Variants in PLEKHA6 observed in about 807,000 individuals in gnomAD.
PLEKHA6 encodes pleckstrin homology domain-containing family A member 6.
Under a neutral mutation model 116.7 loss-of-function variants are expected in PLEKHA6, and 60 were observed. The ratio of observed to expected loss-of-function variants is 0.51; its 90% CI spans 0.42 to 0.64. The LOEUF (loss-of-function observed/expected upper bound fraction) is 0.64, where lower values mean the gene tolerates loss of function less well. PLEKHA6 is among the 30% of genes least tolerant of loss of function. The pLI is 0.00. For missense variants in PLEKHA6, 1,338 were observed against 1,422.7 expected, an observed-to-expected ratio of 0.94 and a Z score of 0.96; for synonymous variants, 489 against 556.1, an observed-to-expected ratio of 0.88 and a Z score of 1.70.
At position 204,247,477 on chromosome 1, in the gene PLEKHA6, C is replaced by T. The variant is rs575408015; in HGVS notation, c.1825-17G>A. 15 of 1,543,318 alleles carry T rather than the reference C, an allele frequency of 9.7e-6. No homozygotes were observed. The highest frequency in any genetic ancestry group is 1.7e-4 in the Middle Eastern group (1 of 5,904). ...TGTCAGGGCCTACGGGGGAAAGAGGCGTTCACTGAGAAAGCCGCCATCACC... is the reference window on the plus strand; with the variant it reads ...TGTCAGGGCCTACGGGGGAAAGAGGTGTTCACTGAGAAAGCCGCCATCACC... On this transcript the variant is annotated splice_polypyrimidine_tract_variant and intron_variant, in intron 12 of 22. Coordinates refer to ENST00000272203, the MANE Select transcript of PLEKHA6 (RefSeq NM_014935.5).
Position 204,248,914 on chromosome 1 carries a change from G to A in PLEKHA6, c.1731C>T (p.Ser577=). ...GTHQELEMFG[S]QPAYPEKLRH... ...GCAGCTTTTCTGGGTAGGCGGGCTG[G>A]CTTCCAAACATCTCCAGCTCCTGGT... The change falls in exon 12 of 23, where the codon AGC becomes AGT. Residue 577 remains serine, a synonymous_variant. Transcript: ENST00000272203. 6.2e-7 allele frequency: 1 copy of A among 1,614,070 alleles called. No homozygotes were observed. Among genetic ancestry groups the A allele is most frequent in the Non-Finnish European group, 8.5e-7 (1 of 1,179,960 alleles).
chr1:204,259,110 G>T lies in PLEKHA6; in HGVS notation c.1007+148C>A. 1 of 906,034 alleles carries T rather than the reference G, an allele frequency of 1.1e-6. No homozygotes were observed. Among genetic ancestry groups the T allele is most frequent in the Non-Finnish European group, 1.6e-6 (1 of 610,162 alleles). 56.1% of individuals were successfully genotyped at this position (906,034 alleles called of 1,614,324 possible). ...CATGGGGCAGGCAGGATTTGGGCAAGCCAGGAAGCATGGGATTTGCTTGGT... is the reference window on the plus strand; with the variant it reads ...CATGGGGCAGGCAGGATTTGGGCAATCCAGGAAGCATGGGATTTGCTTGGT... On this transcript the variant is annotated intron_variant, in intron 8 of 22. Coordinates refer to ENST00000272203, the MANE Select transcript of PLEKHA6 (RefSeq NM_014935.5). This position sits in a 1 kb window ranked among gnomAD's most constrained non-coding sequence, Gnocchi z 4.6.
chr1:204,230,277 C>A, intron 18 of PLEKHA6, 136 bp downstream of exon 18: 1 of 616,738 alleles, frequency 1.6e-6, no homozygotes, highest in South Asian at 2.2e-5. Flanking sequence ...CTCTCCGGCT[C>A]TCCCAGGTGC....
At chr1:204,278,412 C>T (rs1303711790) in intron 1 of PLEKHA6, among the ~76,000 whole-genome samples, 2 of 152,148 alleles carry the variant, frequency 1.3e-5, no homozygotes, top group Non-Finnish European at 2.9e-5. Flanking sequence ...TTTTGACCAA[C>T]GTGGTTCTTT....
intron 1 of PLEKHA6, among the ~76,000 whole-genome samples, chr1:204,303,931 T>C (rs539361580): frequency 6.6e-6 from 1 of 152,122 alleles, no homozygotes; most frequent in African/African-American, 2.4e-5. Flanking sequence ...CCCAGGCTTG[T>C]CTTGAACTCC....
intron 1 of PLEKHA6, among the ~76,000 whole-genome samples, chr1:204,326,731 A>C (rs925085269): frequency 2.0e-5 from 3 of 152,196 alleles, no homozygotes; most frequent in African/African-American, 7.2e-5. Flanking sequence ...AATGTAATCA[A>C]ACCCCTTTCC....
intron 1 of PLEKHA6, among the ~76,000 whole-genome samples, chr1:204,316,057 G>A (rs1018731508): frequency 9.2e-5 from 14 of 152,150 alleles, no homozygotes; most frequent in Non-Finnish European, 1.5e-5. Context: ...GGGTATTTGG[G>A]GGCCAGACTG....
upstream of PLEKHA6, among the ~76,000 whole-genome samples, chr1:204,362,261 G>A (rs1213325573): frequency 1.3e-5 from 2 of 152,204 alleles, no homozygotes. Context: ...CCCAGAAGAG[G>A]AGAAGCAAGC....
intron 12 of PLEKHA6, 39 bp from the exon 13 acceptor site, chr1:204,247,499 C>T (rs758952754): frequency 7.4e-7 from 1 of 1,344,934 alleles, no homozygotes; most frequent in Non-Finnish European, 1.1e-6. Context: ...AAGCCGCCAT[C>T]ACCAAGGCAT....
upstream of PLEKHA6, among the ~76,000 whole-genome samples, chr1:204,360,477 T>C (rs1292078817): frequency 6.7e-6 from 1 of 149,590 alleles, no homozygotes; most frequent in Non-Finnish European, 1.5e-5. Context: ...GTGAGTGGGT[T>C]GTGGAGCCAC....
At chr1:204,355,649 A>T (rs1352016703) in intron 1 of PLEKHA6, among the ~76,000 whole-genome samples, 1 of 150,900 alleles carries the variant, frequency 6.6e-6, no homozygotes, top group Non-Finnish European at 1.5e-5. Flanking sequence ...CATGTTGACC[A>T]GGCTGGTCTC....
intron 9 of PLEKHA6, among the ~76,000 whole-genome samples, chr1:204,254,228 T>A (rs1166083639): frequency 6.6e-6 from 1 of 152,240 alleles, no homozygotes; most frequent in East Asian, 1.9e-4. Context: ...AGAATGCTCA[T>A]GGTGTGGACA....
At position 204,257,721 on chromosome 1, in the gene PLEKHA6, G is replaced by A. The variant is rs1665538578; in HGVS notation, c.1156C>T (p.Pro386Ser). ...TGGCGCTTGTCCTCCAGGGCCCAGG[G>A]CGGGCTGATCCGATCATAGGCCGGC... ...SMPAYDRISP[P>S]WALEDKRHAF... The change falls in exon 9 of 23, where the codon CCC becomes TCC. Residue 386 changes from proline (P) to serine (S), a missense_variant. Coordinates refer to ENST00000272203, the MANE Select transcript of PLEKHA6 (RefSeq NM_014935.5). This position sits in a 1 kb window ranked among gnomAD's most constrained non-coding sequence, Gnocchi z 6.5. The A allele has an allele frequency of 6.2e-7, 1 of 1,612,944 alleles. No homozygotes were observed. The highest frequency in any genetic ancestry group is 1.1e-5 in the South Asian group (1 of 90,834).
rs1660711706 is a variant in PLEKHA6, at chr1:204,228,591, C to T, written c.2885+137G>A. 1.3e-6 allele frequency: 1 copy of T among 772,854 alleles called. No individual in the cohort carries two copies. The allele number at this position is 772,854 out of a possible 1,614,324, so 47.9% of individuals were successfully genotyped here. A position where few individuals can be genotyped will look rare whatever the true frequency, so the allele number is the denominator to read the frequency against. ...TCCTTGCCTCTGCCGGTAGCTGGGC[C>T]CTGTCTGCTGCCTGGAGTCACCACC... On this transcript the variant is annotated intron_variant, in intron 20 of 22. Transcript: ENST00000272203. The surrounding 1 kb of genome is among the most constrained non-coding windows in gnomAD (Gnocchi z 4.0).
At chr1:204,328,441 C>T (rs545050420) in intron 1 of PLEKHA6, among the ~76,000 whole-genome samples, 2 of 150,056 alleles carry the variant, frequency 1.3e-5, no homozygotes, top group Admixed American at 6.7e-5. Context: ...TTGTTGCCCA[C>T]GCTGGAGTGC....
intron 9 of PLEKHA6, among the ~76,000 whole-genome samples, chr1:204,253,447 T>TG (rs539947638): frequency 1.6e-3 from 247 of 152,192 alleles, no homozygotes; most frequent in African/African-American, 5.7e-3. Flanking sequence ...ACGTGAACCC[T>TG]GGGGGCGAAG....
chr1:204,352,984 C>G (rs1673326512), intron 1 of PLEKHA6, among the ~76,000 whole-genome samples: 1 of 152,090 alleles, frequency 6.6e-6, no homozygotes, highest in Non-Finnish European at 1.5e-5. Context: ...GGCCCCATCT[C>G]AAAAATAAAT....
chr1:204,311,657 A>AC, intron 1 of PLEKHA6: 1 of 974,792 alleles, frequency 1.0e-6, no homozygotes, highest in Non-Finnish European at 1.2e-6. Context: ...TTTTAAACAC[A>AC]AAATCATCAA....
At chr1:204,255,156 C>G (rs1665106013) in intron 9 of PLEKHA6, among the ~76,000 whole-genome samples, 1 of 152,116 alleles carries the variant, frequency 6.6e-6, no homozygotes, top group African/African-American at 2.4e-5. Context: ...AAAAATCATC[C>G]TAGGGAGGGT....
Sources: gnomAD v4.1 joint callset for allele counts (sites outside exome capture counted in the v4.1 genomes callset) on GRCh38, gnomAD v4.1.1 for gene constraint, Gnocchi (gnomAD v3.1) non-coding constraint, MANE v1.5 for transcripts, NCBI Gene and HGNC (gene_info 2026-07-23, HGNC 2026-07-21) for gene names.